The following STK32C variants were observed in gnomAD, a reference collection of about 807,000 sequenced individuals.
STK32C encodes serine/threonine-protein kinase 32C.
A neutral mutation model predicts 56.5 loss-of-function variants in STK32C; 31 were observed. The ratio of observed to expected loss-of-function variants is 0.55; its 90% CI spans 0.41 to 0.74. The LOEUF (loss-of-function observed/expected upper bound fraction) is 0.74. Among genes scored for constraint, STK32C ranks in the 30% least tolerant of loss-of-function variants. STK32C has a pLI of 0.00. For missense variants in STK32C, 544 were observed against 676.9 expected (o/e 0.80, Z 2.18); for synonymous variants, 309 against 289.4 (o/e 1.07, Z -0.69).
downstream of STK32C, among the ~76,000 whole-genome samples, chr10:132,323,293 T>C (rs955969303): frequency 2.0e-5 from 3 of 152,174 alleles, no homozygotes; most frequent in Admixed American, 6.5e-5. The surrounding 1 kb of genome is among the most constrained non-coding windows in gnomAD (Gnocchi z 4.8). Flanking sequence ...GGAATCATGA[T>C]TGTTACTGAG....
In STK32C at chr10:132,222,886, C is replaced by T. The variant is rs1038609372; in HGVS notation, c.1094G>A (p.Arg365Lys). The change falls in exon 9 of 12, where the codon AGG becomes AAG. Residue 365 changes from arginine to lysine, a missense_variant. This residue lies in a region of STK32C where 277 missense variants were observed against 309.3 expected (regional missense o/e 0.90). Coordinates refer to ENST00000298630, the MANE Select transcript of STK32C (RefSeq NM_173575.4). ...GTTGGGCACGAAGCCCGGCTCCACC[C>T]TCTTCTCGCTCAGGTGGTCCCACAG... The part of the protein sequence containing the change: ...GVLWDHLSEK[R>K]VEPGFVPNKG... The T allele has an allele frequency of 6.4e-7, 1 of 1,572,858 alleles. No homozygotes were observed. The highest frequency in any genetic ancestry group is 1.8e-5 in the Admixed American group (1 of 55,442).
chr10:132,242,446 A>G (rs1480596622), intron 2 of STK32C, among the ~76,000 whole-genome samples: 1 of 151,048 alleles, frequency 6.6e-6, no homozygotes, highest in Non-Finnish European at 1.5e-5. Flanking sequence ...CTCTCTCCAA[A>G]CTCCCCTCAT....
intron 1 of STK32C, among the ~76,000 whole-genome samples, chr10:132,328,155 T>C (rs529075812): frequency 2.0e-5 from 3 of 152,170 alleles, no homozygotes; most frequent in Non-Finnish European, 4.4e-5. Context: ...TCTACTATTA[T>C]TACTCAGTCA....
intron 1 of STK32C, among the ~76,000 whole-genome samples, chr10:132,329,704 G>A (rs2066597747): frequency 6.6e-6 from 1 of 152,206 alleles, no homozygotes; most frequent in African/African-American, 2.4e-5. Context: ...CTGAATGGGT[G>A]CAAGCTACTC....
chr10:132,295,552 G>A (rs891235662), intron 1 of STK32C, among the ~76,000 whole-genome samples: 1 of 152,166 alleles, frequency 6.6e-6, no homozygotes, highest in Non-Finnish European at 1.5e-5. Flanking sequence ...TATCAATGAC[G>A]GGGTAACAGA....
At chr10:132,308,027 G>A (rs1428883466), upstream of STK32C, 1 of 823,162 alleles carries the variant, frequency 1.2e-6, no homozygotes, top group Non-Finnish European at 1.5e-6. Context: ...GGGCGGGGGC[G>A]GGGCGGAGCT....
At chr10:132,210,758 C>G (rs1428445010) in intron 10 of STK32C, among the ~76,000 whole-genome samples, 1 of 152,240 alleles carries the variant, frequency 6.6e-6, no homozygotes, top group Non-Finnish European at 1.5e-5. Flanking sequence ...GCATAGGGCT[C>G]AACACATTTC....
intron 1 of STK32C, among the ~76,000 whole-genome samples, chr10:132,302,036 G>A (rs950055334): frequency 3.9e-5 from 6 of 152,174 alleles, no homozygotes; most frequent in African/African-American, 1.2e-4. Flanking sequence ...ACCCCAGGCC[G>A]GCTGGGTCAG....
intron 2 of STK32C, among the ~76,000 whole-genome samples, chr10:132,244,590 A>G (rs901620158): frequency 7.2e-5 from 11 of 152,164 alleles, no homozygotes; most frequent in Non-Finnish European, 1.5e-4. Context: ...CCCTCTCCAG[A>G]CATGCTGGCC....
At chr10:132,260,015 AC>A (rs907952646) in intron 1 of STK32C, among the ~76,000 whole-genome samples, 1 of 152,054 alleles carries the variant, frequency 6.6e-6, no homozygotes, top group African/African-American at 2.4e-5. Context: ...CGCACGCATC[AC>A]GGAGGCCCCA....
At chr10:132,228,225 CAGGACACAAG>C (rs1032919214) in intron 2 of STK32C, 97 bp from the exon 3 acceptor site, 19 of 1,558,276 alleles carry the variant, frequency 1.2e-5, no homozygotes, top group African/African-American at 2.7e-5. Flanking sequence ...GACGCATCGT[CAGGACACAAG>C]GGGACACCTG....
intron 1 of STK32C, among the ~76,000 whole-genome samples, chr10:132,288,665 C>T (rs1057439622): frequency 6.6e-6 from 1 of 152,134 alleles, no homozygotes; most frequent in African/African-American, 2.4e-5. Flanking sequence ...TTCCTATGCA[C>T]CAGCAATAAA....
intron 2 of STK32C, among the ~76,000 whole-genome samples, chr10:132,239,242 G>A (rs1258652860): frequency 2.0e-5 from 3 of 152,096 alleles, no homozygotes; most frequent in African/African-American, 7.2e-5. Flanking sequence ...CTGTCCTGGG[G>A]CCCTCGGTCC....
At chr10:132,324,093 C>G in exon 2 of STK32C, 2 of 621,350 alleles carry the variant, frequency 3.2e-6, no homozygotes, top group East Asian at 2.7e-5. Flanking sequence ...ACCAAATTTC[C>G]AGCATATGAA....
At chr10:132,257,472 G>A (rs2064161755) in intron 1 of STK32C, among the ~76,000 whole-genome samples, 1 of 151,992 alleles carries the variant, frequency 6.6e-6, no homozygotes, top group African/African-American at 2.4e-5. Flanking sequence ...AGAGCTGGAG[G>A]AGGAGTGACT....
upstream of STK32C, chr10:132,331,838 G>A (rs377650765): frequency 1.4e-5 from 21 of 1,495,386 alleles, no homozygotes; most frequent in Non-Finnish European, 1.8e-5. Context: ...CCGCGGGCGC[G>A]GAAAAACGGA....
In STK32C at chr10:132,238,459, T is replaced by G. The variant is rs1466674; in HGVS notation, c.318+7441A>C. On this transcript the variant is annotated intron_variant, in intron 2 of 11. Transcript: ENST00000298630. ...AGGGGAAACACGGGCAGAGCCTTAG[T>G]GGAGGCTTCCTCGGGAAAAGCAGGG... 3.9e-5 allele frequency among the ~76,000 whole-genome samples: 6 copies of G among 152,012 alleles called. No individual in the cohort carries two copies. In the East Asian group the frequency reaches 1.2e-3, roughly 30 times the overall value.
intron 1 of STK32C, chr10:132,330,219 A>T: frequency 1.9e-6 from 1 of 538,918 alleles, no homozygotes. Flanking sequence ...GACTACAAAA[A>T]TTAATGTAGC....
At chr10:132,229,390 A>G (rs1279232111) in intron 2 of STK32C, among the ~76,000 whole-genome samples, 1 of 152,194 alleles carries the variant, frequency 6.6e-6, no homozygotes, top group Non-Finnish European at 1.5e-5. Context: ...CCAGCTACTC[A>G]GGAGACTGAG....
Sources: gnomAD v4.1 joint callset for allele counts (sites outside exome capture counted in the v4.1 genomes callset) on GRCh38, gnomAD v4.1.1 for gene constraint, gnomAD v4.1.1 regional missense constraint, Gnocchi (gnomAD v3.1) non-coding constraint, MANE v1.5 for transcripts, NCBI Gene and HGNC (gene_info 2026-07-23, HGNC 2026-07-21) for gene names.